TRPM8: variants seen among roughly 807,000 people sequenced by gnomAD.
TRPM8 encodes the protein TRPM8 cationic channel.
TRPM8 carries 110 observed loss-of-function variants against 133.7 expected under a neutral mutation model. The observed-to-expected ratio is 0.82, with a 90% confidence interval of 0.70 to 0.96. The LOEUF (loss-of-function observed/expected upper bound fraction) is 0.96. Ranked by LOEUF, TRPM8 falls within the 40% of genes least tolerant of loss-of-function variation. TRPM8 has a pLI of 0.00. For missense variants in TRPM8, 1,291 were observed against 1,379.5 expected, an observed-to-expected ratio of 0.94 and a Z score of 1.02; for synonymous variants, 535 against 532.3, an observed-to-expected ratio of 1.01 and a Z score of -0.07.
At chr2:233,928,897 T>G (rs1691624192) in intron 2 of TRPM8, among the ~76,000 whole-genome samples, 1 of 152,198 alleles carries the variant, frequency 6.6e-6, no homozygotes, top group African/African-American at 2.4e-5. Context: ...ATTTTATGAC[T>G]TGAGTATATG....
In TRPM8 at chr2:233,939,082, G is replaced by T; in HGVS notation, c.433G>T (p.Val145Phe). Reference protein sequence around the residue: ...QHWHLKTPNLVISVTGGAKNF... With the variant: ...QHWHLKTPNLFISVTGGAKNF... ...CTGGCACCTGAAAACACCCAACCTG[G>T]TCATTTCTGTGACCGGGGGCGCCAA... Residue 145 changes from valine to phenylalanine, a missense_variant, in exon 5 of 26, where the codon GTC (valine) becomes TTC (phenylalanine). Coordinates refer to ENST00000324695, the MANE Select transcript of TRPM8 (RefSeq NM_024080.5). 1 of 1,614,206 alleles carries T rather than the reference G, an allele frequency of 6.2e-7. No individual in the cohort carries two copies. Among genetic ancestry groups the T allele is most frequent in the Non-Finnish European group, 8.5e-7 (1 of 1,180,046 alleles).
In TRPM8 at chr2:234,006,967, C is replaced by G; in HGVS notation, c.3230+15C>G. Reference sequence around the variant, plus strand: ...ACCTCAGAGGAGTATGTCAGACATCCCTTTCTGCTTTGCAAGGCTCCCTCT... The same window carrying G: ...ACCTCAGAGGAGTATGTCAGACATCGCTTTCTGCTTTGCAAGGCTCCCTCT... On this transcript the variant is annotated intron_variant, in intron 23 of 25. Coordinates refer to ENST00000324695, the MANE Select transcript of TRPM8 (RefSeq NM_024080.5). 1 of 1,600,384 alleles carries G rather than the reference C, an allele frequency of 6.2e-7. No homozygotes were observed. Among genetic ancestry groups the G allele is most frequent in the Non-Finnish European group, 8.6e-7 (1 of 1,168,020 alleles).
chr2:233,970,460 T>A, intron 17 of TRPM8, 34 bp downstream of exon 17: 1 of 1,586,042 alleles, frequency 6.3e-7, no homozygotes, highest in Non-Finnish European at 8.7e-7. Context: ...ACCCCCTCGC[T>A]TCCTCGGTGG....
At chr2:233,938,299 T>A (rs545892611) in intron 4 of TRPM8, among the ~76,000 whole-genome samples, 53 of 152,366 alleles carry the variant, frequency 3.5e-4, no homozygotes, top group African/African-American at 1.3e-3. Context: ...CCACCTCGCC[T>A]GTGGGGCTTT....
At chr2:233,953,013 T>C (rs1296818029) in intron 9 of TRPM8, among the ~76,000 whole-genome samples, 1 of 152,102 alleles carries the variant, frequency 6.6e-6, no homozygotes, top group Non-Finnish European at 1.5e-5. Context: ...CATGCTATCA[T>C]CCCCACCCAC....
intron 25 of TRPM8, among the ~76,000 whole-genome samples, chr2:234,015,786 G>T (rs901239320): frequency 6.6e-6 from 1 of 152,200 alleles, no homozygotes; most frequent in Non-Finnish European, 1.5e-5. Flanking sequence ...TATTAAGGGA[G>T]AACTTATTTC....
chr2:234,012,837 G>T (rs1692875894), intron 24 of TRPM8, among the ~76,000 whole-genome samples: 1 of 151,376 alleles, frequency 6.6e-6, no homozygotes, highest in Non-Finnish European at 1.5e-5. Context: ...AAAAGGCCTT[G>T]AATTTTGTCA....
intron 11 of TRPM8, among the ~76,000 whole-genome samples, chr2:233,959,667 C>T (rs991424172): frequency 3.9e-5 from 6 of 152,106 alleles, no homozygotes; most frequent in African/African-American, 2.4e-5. Flanking sequence ...GATGAACTTT[C>T]TAATTTTTAA....
intron 21 of TRPM8, among the ~76,000 whole-genome samples, chr2:233,987,530 C>A (rs1435465197): frequency 6.6e-6 from 1 of 152,206 alleles, no homozygotes; most frequent in Non-Finnish European, 1.5e-5. Context: ...GAAGCACATA[C>A]CTCTGGGGAC....
chr2:233,935,102 A>G (rs1184859641), intron 3 of TRPM8, among the ~76,000 whole-genome samples: 2 of 152,266 alleles, frequency 1.3e-5, no homozygotes, highest in Non-Finnish European at 2.9e-5. Flanking sequence ...CAAACCATTT[A>G]AAAGAAGACC....
At chr2:234,015,200 A>C (rs1692929528) in intron 25 of TRPM8, among the ~76,000 whole-genome samples, 1 of 152,230 alleles carries the variant, frequency 6.6e-6, no homozygotes, top group African/African-American at 2.4e-5. Context: ...CAATTAACTG[A>C]CAAAATTTAA....
In TRPM8 at chr2:233,982,955, G is replaced by A. The variant is rs563396752; in HGVS notation, c.2590-98G>A. 215 of 1,348,838 alleles carry A rather than the reference G, an allele frequency of 1.6e-4. No individual in the cohort carries two copies. In the African/African-American group the frequency reaches 2.5e-3, roughly 15 times the overall value. 83.6% of individuals were successfully genotyped at this position (1,348,838 alleles called of 1,614,324 possible). Reference sequence around the variant, plus strand: ...CTTAGATGCTCTGAGCCCTGGAACCGCTGCTCTTCTCCATGGTCCACTGAG... The same window carrying A: ...CTTAGATGCTCTGAGCCCTGGAACCACTGCTCTTCTCCATGGTCCACTGAG... On this transcript the variant is annotated intron_variant, in intron 19 of 25. Coordinates refer to ENST00000324695, the MANE Select transcript of TRPM8 (RefSeq NM_024080.5).
intron 22 of TRPM8, among the ~76,000 whole-genome samples, chr2:234,006,017 C>A (rs1435210202): frequency 1.3e-5 from 2 of 151,368 alleles, no homozygotes; most frequent in African/African-American, 4.9e-5. Flanking sequence ...TCTTTGACCC[C>A]CAATTAATTC....
At chr2:233,984,513 G>A (rs985455547) in intron 20 of TRPM8, among the ~76,000 whole-genome samples, 1 of 152,172 alleles carries the variant, frequency 6.6e-6, no homozygotes, top group East Asian at 1.9e-4. Flanking sequence ...CACCTTCTCA[G>A]ATTTCATTCC....
intron 17 of TRPM8, among the ~76,000 whole-genome samples, chr2:233,979,230 G>A (rs927614931): frequency 1.3e-5 from 2 of 152,208 alleles, no homozygotes; most frequent in Non-Finnish European, 2.9e-5. Flanking sequence ...GTTTCCATAT[G>A]TGAATTCACG....
chr2:234,001,605 G>T (rs1339257399), intron 22 of TRPM8, among the ~76,000 whole-genome samples: 3 of 152,214 alleles, frequency 2.0e-5, no homozygotes, highest in Non-Finnish European at 2.9e-5. Flanking sequence ...CACAAGGATG[G>T]GTGGAAATTG....
At chr2:234,011,491 TA>T (rs907415372) in intron 24 of TRPM8, among the ~76,000 whole-genome samples, 23 of 151,554 alleles carry the variant, frequency 1.5e-4, no homozygotes, top group East Asian at 5.8e-4. Context: ...TCTATTTCTT[TA>T]AAAAAAAAGC....
chr2:233,997,038 G>A (rs192241013), intron 22 of TRPM8, among the ~76,000 whole-genome samples: 43 of 152,326 alleles, frequency 2.8e-4, no homozygotes, highest in African/African-American at 7.9e-4. Context: ...GCCTAGGCGG[G>A]CGGATTGCCT....
rs1353362480 is a variant in TRPM8, at chr2:233,927,778, CTTTCTTTCTTTCT to C, written c.117+1133_117+1145del. ...TCTTTCTTTCTTTCTTTCTTTCTTT[CTTTCTTTCTTTCT>C]TTTCTTTCCTTCCTTCCTTCCTTCC... On this transcript the variant is annotated intron_variant, in intron 2 of 25. Transcript: ENST00000324695. 9.9e-3 allele frequency among the ~76,000 whole-genome samples: 458 copies of C among 46,070 alleles called. 24 individuals carry two copies. Among genetic ancestry groups the C allele is most frequent in the East Asian group, 0.03 (23 of 766 alleles). 30.2% of individuals were successfully genotyped at this position (46,070 alleles called of 152,430 possible). A position where few individuals can be genotyped will look rare whatever the true frequency, so the allele number is the denominator to read the frequency against.
Sources: gnomAD v4.1 joint callset for allele counts (sites outside exome capture counted in the v4.1 genomes callset) on GRCh38, gnomAD v4.1.1 for gene constraint, MANE v1.5 for transcripts, NCBI Gene and HGNC (gene_info 2026-07-23, HGNC 2026-07-21) for gene names.